Variants in PFKFB4 observed in about 807,000 individuals in gnomAD.
The protein encoded by PFKFB4 is 6-phosphofructo-2-kinase/fructose-2,6-biphosphatase 4.
PFKFB4 carries 42 observed loss-of-function variants against 62.8 expected under a neutral mutation model. The ratio of observed to expected loss-of-function variants is 0.67; its 90% CI spans 0.52 to 0.86. PFKFB4 has a LOEUF of 0.86. Ranked by LOEUF, PFKFB4 falls within the 40% of genes least tolerant of loss-of-function variation. The pLI is 0.00. For synonymous variants in PFKFB4, 204 were observed against 240.7 expected (o/e 0.85, Z 1.41); for missense variants, 475 against 627.2 (o/e 0.76, Z 2.59).
At chr3:48,533,700 C>A (rs1297102254) in intron 9 of PFKFB4, among the ~76,000 whole-genome samples, 1 of 152,076 alleles carries the variant, frequency 6.6e-6, no homozygotes, top group Non-Finnish European at 1.5e-5. Context: ...ACTAAAAATA[C>A]AAAAATTAGT....
chr3:48,561,271 T>C, upstream of PFKFB4: 1 of 291,240 alleles, frequency 3.4e-6, no homozygotes, highest in Non-Finnish European at 6.6e-6. The surrounding 1 kb of genome is among the most constrained non-coding windows in gnomAD (Gnocchi z 5.2). Context: ...TGCTTACAAC[T>C]GTGAGGGCAG....
intron 1 of PFKFB4, among the ~76,000 whole-genome samples, chr3:48,550,658 C>G (rs1302617346): frequency 2.0e-5 from 3 of 152,212 alleles, no homozygotes; most frequent in South Asian, 4.1e-4. Context: ...CCCACCCCAT[C>G]CATCACTCAG....
In PFKFB4 at chr3:48,543,645, G is replaced by A. The variant is rs1049577424; in HGVS notation, c.313C>T (p.Gln105Ter). The A allele has an allele frequency of 1.2e-6, 2 of 1,610,342 alleles. No homozygotes were observed. Among genetic ancestry groups the A allele is most frequent in the African/African-American group, 2.7e-5 (2 of 74,892 alleles). Residue 105 changes from glutamine to a stop codon, truncating the protein, a stop_gained and splice_region_variant, in exon 4 of 14, where the codon CAG becomes TAG. Transcript: ENST00000232375. LOFTEE classifies it high-confidence loss of function. ...TCACGGAGGGCTGCCAGGGCACACT[G>A]CCTTCAGGAGAGAAAACACAGGGTC... ...DNEEGLKIRK[Q>*]CALAALRDVR...
intron 9 of PFKFB4, among the ~76,000 whole-genome samples, chr3:48,532,245 G>A (rs1038734486): frequency 2.0e-5 from 3 of 152,208 alleles, no homozygotes; most frequent in Admixed American, 1.3e-4. Context: ...GGGAGGTGGA[G>A]GTTGCAGTGA....
chr3:48,559,529 T>C (rs1433357117), upstream of PFKFB4: 5 of 457,002 alleles, frequency 1.1e-5, no homozygotes, highest in African/African-American at 8.0e-5. Context: ...CTCCCCTGTG[T>C]CCTCTCCATG....
intron 1 of PFKFB4, among the ~76,000 whole-genome samples, chr3:48,553,651 A>G (rs926505474): frequency 6.6e-6 from 1 of 152,182 alleles, no homozygotes; most frequent in African/African-American, 2.4e-5. Context: ...GGCAGTGTCT[A>G]TGTTCCATTA....
intron 3 of PFKFB4, among the ~76,000 whole-genome samples, chr3:48,546,544 A>C (rs1204888542): frequency 6.6e-6 from 1 of 152,038 alleles, no homozygotes; most frequent in Non-Finnish European, 1.5e-5. Flanking sequence ...CTTCATGTGT[A>C]GTGGGTGACT....
At chr3:48,519,893 C>G (rs1348110847) in intron 13 of PFKFB4, 87 bp from the exon 14 acceptor site, 1 of 1,038,926 alleles carries the variant, frequency 9.6e-7, no homozygotes, top group Non-Finnish European at 1.5e-6. Context: ...TGTGGTTCAT[C>G]AGGCTTCACA....
chr3:48,545,651 G>A (rs1302939879), intron 3 of PFKFB4, among the ~76,000 whole-genome samples: 14 of 149,980 alleles, frequency 9.3e-5, no homozygotes. Flanking sequence ...TTTTTTTTAA[G>A]AGACAGGGTC....
At chr3:48,538,311 G>A (rs951535077) in intron 7 of PFKFB4, among the ~76,000 whole-genome samples, 187 bp downstream of exon 7, 9 of 152,188 alleles carry the variant, frequency 5.9e-5, no homozygotes, top group African/African-American at 1.9e-4. Flanking sequence ...TTTTGGATGA[G>A]GTAACCGGTG....
intron 9 of PFKFB4, among the ~76,000 whole-genome samples, chr3:48,533,836 A>G (rs576592392): frequency 6.6e-6 from 1 of 152,320 alleles, no homozygotes; most frequent in South Asian, 2.1e-4. Context: ...CCTGGACAAC[A>G]GGAGCAAACC....
intron 8 of PFKFB4, 35 bp from the exon 9 acceptor site, chr3:48,535,693 G>A (rs2042579359): frequency 6.2e-7 from 1 of 1,612,682 alleles, no homozygotes; most frequent in African/African-American, 1.3e-5. Context: ...AGACCCACAG[G>A]TCTTGGGCTG....
At chr3:48,532,171 A>G (rs967814696) in intron 9 of PFKFB4, among the ~76,000 whole-genome samples, 2 of 152,132 alleles carry the variant, frequency 1.3e-5, no homozygotes, top group Non-Finnish European at 2.9e-5. Flanking sequence ...TTAGCTAGGC[A>G]TCGTGGTGTG....
Position 48,544,286 on chromosome 3 carries a change from G to A in PFKFB4, c.312-640C>T, listed in dbSNP as rs760606096. ...ACACTAGGGCTGGCCCTCGGGCAGTGTTAGGCTTAGTGCTCAACTTTCTTT... is the reference window on the plus strand; with the variant it reads ...ACACTAGGGCTGGCCCTCGGGCAGTATTAGGCTTAGTGCTCAACTTTCTTT... On this transcript the variant is annotated intron_variant, in intron 3 of 13. Transcript: ENST00000232375. Among the ~76,000 whole-genome samples, 9 of 152,046 alleles carry A rather than the reference G, an allele frequency of 5.9e-5. 1 individual carries two copies. The highest frequency in any genetic ancestry group is 7.3e-5 in the African/African-American group (3 of 41,364).
At chr3:48,550,283 C>G in intron 1 of PFKFB4, 49 bp from the exon 2 acceptor site, 1 of 1,196,500 alleles carries the variant, frequency 8.4e-7, no homozygotes, top group Non-Finnish European at 1.2e-6. Flanking sequence ...ACCCTCCCAG[C>G]GCACCCCTCC....
chr3:48,553,628 G>A (rs750520304), intron 1 of PFKFB4, among the ~76,000 whole-genome samples: 32 of 152,230 alleles, frequency 2.1e-4, no homozygotes, highest in Non-Finnish European at 3.8e-4. Flanking sequence ...GGCCTGAGAC[G>A]TGCCTGGCAA....
intron 1 of PFKFB4, among the ~76,000 whole-genome samples, chr3:48,552,436 G>A (rs539508704): frequency 2.0e-5 from 3 of 152,246 alleles, no homozygotes; most frequent in African/African-American, 7.2e-5. Context: ...TGAGCCTCAG[G>A]GGCGGGAAGG....
intron 7 of PFKFB4, chr3:48,536,693 T>A: frequency 1.9e-6 from 1 of 536,034 alleles, no homozygotes. Context: ...GAGGTGCTCG[T>A]CACTCATCAT....
upstream of PFKFB4, among the ~76,000 whole-genome samples, chr3:48,558,746 C>T (rs761708422): frequency 2.0e-5 from 3 of 152,216 alleles, no homozygotes; most frequent in South Asian, 2.1e-4. Context: ...AGTATCTACC[C>T]GCTTATTCCT....
Sources: allele counts gnomAD v4.1 joint callset (sites outside exome capture counted in the v4.1 genomes callset), GRCh38; gene constraint gnomAD v4.1.1; non-coding constraint Gnocchi (gnomAD v3.1); transcripts MANE v1.5; gene names NCBI Gene and HGNC (gene_info 2026-07-23, HGNC 2026-07-21).